The following CLDN19 variants were observed in gnomAD, a reference collection of about 807,000 sequenced individuals.
CLDN19 encodes claudin-19.
CLDN19 carries 19 observed loss-of-function variants against 24.5 expected under a neutral mutation model. The observed-to-expected ratio is 0.78, with a 90% CI of 0.54 to 1.14. CLDN19 has a LOEUF of 1.14. Among genes scored for constraint, CLDN19 ranks in the 50% most tolerant of loss-of-function variants. The probability of loss-of-function intolerance (pLI) is 0.00; values close to 1 mark genes in which losing one functional copy is unlikely to be tolerated. For missense variants in CLDN19, 250 were observed against 295.9 expected, an observed-to-expected ratio of 0.84 and a Z score of 1.14; for synonymous variants, 117 against 129.6, an observed-to-expected ratio of 0.90 and a Z score of 0.66.
chr1:42,736,832 T>C (rs995441037), intron 3 of CLDN19, among the ~76,000 whole-genome samples: 1 of 152,174 alleles, frequency 6.6e-6, no homozygotes, highest in African/African-American at 2.4e-5. Flanking sequence ...CCAAGTGGCA[T>C]TGGGGACTGT....
chr1:42,735,167 G>A (rs781537112), intron 4 of CLDN19, 33 bp from the exon 5 acceptor site: 3 of 1,613,514 alleles, frequency 1.9e-6, no homozygotes, highest in South Asian at 2.2e-5. Context: ...CTGGTTAGTG[G>A]AGTGAGCTGT....
chr1:42,735,508 G>A, intron 4 of CLDN19: 1 of 1,414,176 alleles, frequency 7.1e-7, no homozygotes, highest in Non-Finnish European at 9.2e-7. Context: ...CTTGGCCACT[G>A]CTCTATCTCT....
Position 42,739,835 on chromosome 1 carries a change from G to C in CLDN19, c.223+6C>G, listed in dbSNP as rs750185505. The C allele has an allele frequency of 1.9e-6, 3 of 1,611,982 alleles. No individual in the cohort carries two copies. Among genetic ancestry groups the C allele is most frequent in the Non-Finnish European group, 1.7e-6 (2 of 1,179,256 alleles). ...CCATCTCCCACCCCGCCGGCCTGGG[G>C]CCTACCGTCCAGGGCGAGCAGCGAG... is the stretch of plus-strand genomic sequence containing the variant. On this transcript the variant is annotated splice_donor_region_variant and intron_variant, in intron 1 of 4. Coordinates refer to ENST00000296387, the MANE Select transcript of CLDN19 (RefSeq NM_148960.3).
intron 4 of CLDN19, chr1:42,735,339 G>T (rs955001262): frequency 3.4e-5 from 49 of 1,453,806 alleles, no homozygotes; most frequent in Non-Finnish European, 4.1e-5. Context: ...AGCCCTGGGC[G>T]CACTGGAAGA....
intron 3 of CLDN19, among the ~76,000 whole-genome samples, chr1:42,736,982 G>A (rs1651394088): frequency 6.6e-6 from 1 of 152,134 alleles, no homozygotes; most frequent in South Asian, 2.1e-4. Context: ...CAACACCTCT[G>A]CCTCCTCCAG....
chr1:42,738,145 C>T, intron 3 of CLDN19, 84 bp downstream of exon 3: 1 of 1,162,370 alleles, frequency 8.6e-7, no homozygotes, highest in Non-Finnish European at 1.3e-6. Flanking sequence ...ATCCTGTCCC[C>T]ACTTCCCCCG....
At chr1:42,738,130 G>A in intron 3 of CLDN19, 99 bp downstream of exon 3, 4 of 1,044,920 alleles carry the variant, frequency 3.8e-6, no homozygotes, top group Non-Finnish European at 6.0e-6. Context: ...TTGGACAGCA[G>A]CTGGATCCTG....
chr1:42,735,604 C>T (rs1056556314), intron 4 of CLDN19: 26 of 1,425,220 alleles, frequency 1.8e-5, no homozygotes, highest in Non-Finnish European at 2.4e-5. Context: ...TCCAGGGATG[C>T]ATGCTGGTGC....
rs2124027109 is a variant in CLDN19 at position 42,734,042 on chromosome 1, G to C, written c.*1044C>G. 1 of 152,574 alleles carries C rather than the reference G, an allele frequency of 6.6e-6. No homozygotes were observed. Among genetic ancestry groups the C allele is most frequent in the African/African-American group, 2.4e-5 (1 of 41,574 alleles). 9.5% of individuals were successfully genotyped at this position (152,574 alleles called of 1,614,324 possible). A position where few individuals can be genotyped will look rare whatever the true frequency, so the allele number is the denominator to read the frequency against. On this transcript the variant is annotated 3_prime_UTR_variant, in exon 5 of 5. Coordinates refer to ENST00000296387, the MANE Select transcript of CLDN19 (RefSeq NM_148960.3). ...GCAGGGAAGGGGAGGTTCTGTGATG[G>C]ATGCTTTCCCCAGAAGCCTGATACG...
At position 42,739,886 on chromosome 1, in the gene CLDN19, C is replaced by G. The variant is rs1347509413; in HGVS notation, c.178G>C (p.Gly60Arg). The change falls in exon 1 of 5, where the codon GGG becomes CGG. Residue 60 changes from glycine to arginine, a missense_variant. Transcript: ENST00000296387. ...LWMSCASQST[G>R]QVQCKLYDSL... is the part of the protein sequence containing the mutation. The stretch of plus-strand genomic sequence containing the variant: ...TCGTAGAGCTTGCACTGCACTTGCC[C>G]AGTGCTCTGGGAGGCGCAGGACATC... 7 of 1,613,036 alleles carry G rather than the reference C, an allele frequency of 4.3e-6. No individual in the cohort carries two copies. Among genetic ancestry groups the G allele is most frequent in the Non-Finnish European group, 5.9e-6 (7 of 1,179,842 alleles).
chr1:42,739,137 ATGACCTGCCTGAAC>A (rs537805517), intron 1 of CLDN19, among the ~76,000 whole-genome samples: 175 of 152,268 alleles, frequency 1.1e-3, no homozygotes, highest in Middle Eastern at 3.4e-3. Context: ...GCGAGGCTAG[ATGACCTGCCTGAAC>A]TGACCTGCCT....
chr1:42,738,646 G>T lies in CLDN19; in HGVS notation c.224-61C>A. On this transcript the variant is annotated intron_variant, in intron 1 of 4. Transcript: ENST00000296387. ...GGGGATGGGGGTTGGGTCGGTGCCT[G>T]GGGTCGGTGGAAGGAGCCCAGCTTG... The T allele has an allele frequency of 2.6e-6, 4 of 1,553,610 alleles. No homozygotes were observed. In the South Asian group the frequency reaches 4.6e-5, roughly 18 times the overall value.
Position 42,735,241 on chromosome 1 carries a change from C to T in CLDN19, c.627-107G>A, listed in dbSNP as rs1310295582. On this transcript the variant is annotated intron_variant, in intron 4 of 4. Coordinates refer to ENST00000296387, the MANE Select transcript of CLDN19 (RefSeq NM_148960.3). ...TGGGTACTGGCCAGCGTGGCCAGAC[C>T]TTGGCCCTCACAGCAGCCCTGCCTG... is the stretch of plus-strand genomic sequence containing the variant. 1.9e-6 allele frequency: 3 copies of T among 1,570,432 alleles called. No homozygotes were observed. The African/African-American group carries it at 4.1e-5, about 21-fold the overall frequency.
At position 42,735,032 on chromosome 1, in the gene CLDN19, T is replaced by C. The variant is rs1651311814; in HGVS notation, c.*54A>G. 7.2e-7 allele frequency: 1 copy of C among 1,393,384 alleles called. No individual in the cohort carries two copies. The highest frequency in any genetic ancestry group is 1.0e-6 in the Non-Finnish European group (1 of 981,664). 86.3% of individuals were successfully genotyped at this position (1,393,384 alleles called of 1,614,324 possible). On this transcript the variant is annotated 3_prime_UTR_variant, in exon 5 of 5. Transcript: ENST00000296387. ...GTTCACTTCTCTTTCCAAAAAAATA[T>C]GAAACACACAGTCTAGGTATGGCAG...
chr1:42,738,784 C>T (rs922623928), intron 1 of CLDN19, among the ~76,000 whole-genome samples, 199 bp from the exon 2 acceptor site: 1 of 152,040 alleles, frequency 6.6e-6, no homozygotes, highest in Non-Finnish European at 1.5e-5. Flanking sequence ...TGAGAGTCCC[C>T]TTCACTGTCA....
At chr1:42,736,745 G>C (rs1052617051) in intron 3 of CLDN19, among the ~76,000 whole-genome samples, 12 of 152,182 alleles carry the variant, frequency 7.9e-5, no homozygotes, top group Non-Finnish European at 1.6e-4. Flanking sequence ...CCCCTTGCTT[G>C]TCCGGCTCCC....
At position 42,735,925 on chromosome 1, in the gene CLDN19, G is replaced by A; in HGVS notation, c.579C>T (p.Asn193=). The A allele has an allele frequency of 1.9e-6, 3 of 1,580,256 alleles. No individual in the cohort carries two copies. The highest frequency in any genetic ancestry group is 2.6e-6 in the Non-Finnish European group (3 of 1,163,024). ...CAGGCCGATAGGGCTGTGGGCTGCTGTTGGGTCTCTCTGGCTCCGGGCATG... is the reference window on the plus strand; with the variant it reads ...CAGGCCGATAGGGCTGTGGGCTGCTATTGGGTCTCTCTGGCTCCGGGCATG... ...CCTCPEPERP[N]SSPQPYRPGP... Residue 193 remains asparagine, a synonymous_variant, in exon 4 of 5, where the codon AAC becomes AAT. Transcript: ENST00000296387.
Position 42,735,022 on chromosome 1 carries a change from CA to C in CLDN19, c.*63del. 4 of 1,361,240 alleles carry C rather than the reference CA, an allele frequency of 2.9e-6. No homozygotes were observed. Among genetic ancestry groups the C allele is most frequent in the South Asian group, 1.2e-5 (1 of 84,000 alleles). The allele number at this position is 1,361,240 out of a possible 1,614,324, so 84.3% of individuals were successfully genotyped here. The stretch of plus-strand genomic sequence containing the variant: ...GGGGCTGGATGTTCACTTCTCTTTC[CA>C]AAAAAATATGAAACACACAGTCTAG... On this transcript the variant is annotated 3_prime_UTR_variant, in exon 5 of 5. Transcript: ENST00000296387.
rs910732047 is a variant in CLDN19 at position 42,733,897 on chromosome 1, G to C, written c.*1189C>G. The C allele has an allele frequency of 6.6e-6, 1 of 152,452 alleles. No individual in the cohort carries two copies. Among genetic ancestry groups the C allele is most frequent in the African/African-American group, 2.4e-5 (1 of 41,450 alleles). The allele number at this position is 152,452 out of a possible 1,614,324, so 9.4% of individuals were successfully genotyped here. ...TTGGTTTCCGTCACTTTCCCTCTCA[G>C]AGTCAAGCTCGAAGGAGAAGCTGAG... On this transcript the variant is annotated 3_prime_UTR_variant, in exon 5 of 5. Transcript: ENST00000296387.
Sources: gnomAD v4.1 joint callset for allele counts (sites outside exome capture counted in the v4.1 genomes callset) on GRCh38, gnomAD v4.1.1 for gene constraint, MANE v1.5 for transcripts, NCBI Gene and HGNC (gene_info 2026-07-23, HGNC 2026-07-21) for gene names.